ASIP: variants seen among roughly 807,000 people sequenced by gnomAD.
ASIP encodes agouti signaling protein.
ASIP carries 11 observed loss-of-function variants against 10.3 expected under a neutral mutation model. The observed-to-expected ratio is 1.07, with a 90% CI of 0.68 to 1.78. The LOEUF (loss-of-function observed/expected upper bound fraction) is 1.78, where lower values mean the gene tolerates loss of function less well. Among genes scored for constraint, ASIP ranks in the 40% most tolerant of loss-of-function variants. The probability of loss-of-function intolerance (pLI) is 0.00; values close to 1 mark genes in which losing one functional copy is unlikely to be tolerated. For missense variants in ASIP, 180 were observed against 169.2 expected (o/e 1.06, Z -0.35); for synonymous variants, 70 against 70.8 (o/e 0.99, Z 0.06).
chr20:34,210,437 C>T (rs921770260), intron 1 of ASIP, among the ~76,000 whole-genome samples: 3 of 152,218 alleles, frequency 2.0e-5, no homozygotes, highest in Admixed American at 6.5e-5. Flanking sequence ...TCAGCACCCA[C>T]GTCAGCACCT....
Position 34,269,165 on chromosome 20 carries a change from T to C in ASIP, c.397T>C (p.Ter133ArgextTer22). ...CSCRVLSLNC* is the reference protein window; with the variant it reads ...CSCRVLSLNCR ...CTGCCGCGTGCTCAGCCTCAACTGC[T>C]GAGCGCCCCCACTCCCGGCCGCGAG... The change falls in exon 4 of 4, where the codon TGA (stop) becomes CGA (arginine). Residue 133 changes from the stop codon to arginine (R), a stop_lost. Transcript: ENST00000374954. The C allele has an allele frequency of 6.6e-7, 1 of 1,525,260 alleles. No homozygotes were observed. The allele number at this position is 1,525,260 out of a possible 1,614,324, so 94.5% of individuals were successfully genotyped here.
chr20:34,252,244 C>G (rs1367180084), intron 1 of ASIP, among the ~76,000 whole-genome samples: 1 of 152,192 alleles, frequency 6.6e-6, no homozygotes, highest in Non-Finnish European at 1.5e-5. Flanking sequence ...GCTCAGTATA[C>G]AGAGGACCCG....
At chr20:34,213,513 G>T in intron 1 of ASIP, 1 of 1,479,556 alleles carries the variant, frequency 6.8e-7, no homozygotes, top group Non-Finnish European at 9.2e-7. Context: ...CAGCAGACTG[G>T]TCATTTTCTT....
chr20:34,198,193 G>A (rs139168644), intron 1 of ASIP, among the ~76,000 whole-genome samples: 2 of 151,542 alleles, frequency 1.3e-5, no homozygotes, highest in African/African-American at 4.8e-5. Flanking sequence ...AAATTCAAGC[G>A]ATTCTCATGC....
At chr20:34,247,943 T>C (rs2035408317) in intron 1 of ASIP, among the ~76,000 whole-genome samples, 1 of 152,178 alleles carries the variant, frequency 6.6e-6, no homozygotes, top group Admixed American at 6.5e-5. Context: ...CAGTGGCACA[T>C]GCGTGTAATC....
intron 1 of ASIP, among the ~76,000 whole-genome samples, chr20:34,252,254 G>A (rs533373993): frequency 3.8e-4 from 58 of 152,290 alleles, no homozygotes; most frequent in South Asian, 1.9e-3. Flanking sequence ...CAGAGGACCC[G>A]CACTGGTGCC....
chr20:34,236,443 T>C (rs768542809), upstream of ASIP, among the ~76,000 whole-genome samples: 2 of 151,094 alleles, frequency 1.3e-5, no homozygotes, highest in African/African-American at 2.4e-5. Flanking sequence ...ACTTGGGAGG[T>C]TGAGGCAGAA....
chr20:34,201,698 T>A (rs963607726), intron 1 of ASIP, among the ~76,000 whole-genome samples: 30 of 152,210 alleles, frequency 2.0e-4, no homozygotes, highest in African/African-American at 7.2e-4. Flanking sequence ...TTTTTTTTCT[T>A]CAAACTTGCA....
chr20:34,262,919 T>C, intron 3 of ASIP, 26 bp downstream of exon 3: 1 of 1,613,026 alleles, frequency 6.2e-7, no homozygotes, highest in Non-Finnish European at 8.5e-7. Context: ...TTCTGGGAGT[T>C]CTCATTGTTG....
chr20:34,254,636 G>A (rs1371985833), intron 1 of ASIP, among the ~76,000 whole-genome samples: 2 of 152,020 alleles, frequency 1.3e-5, no homozygotes, highest in Non-Finnish European at 2.9e-5. Flanking sequence ...ATGCCTTTTT[G>A]CTATAGAAGC....
chr20:34,192,813 T>C (rs1014899120), upstream of ASIP, among the ~76,000 whole-genome samples: 2 of 152,172 alleles, frequency 1.3e-5, no homozygotes, highest in Non-Finnish European at 2.9e-5. Flanking sequence ...TTTAAAACAT[T>C]TAAAAAAATT....
chr20:34,248,842 C>A (rs573229421), intron 1 of ASIP, among the ~76,000 whole-genome samples: 6 of 151,446 alleles, frequency 4.0e-5, no homozygotes, highest in Non-Finnish European at 8.8e-5. Context: ...TATGTTGTAG[C>A]CTCTCTGAAG....
chr20:34,242,163 T>C (rs74874006), intron 1 of ASIP, among the ~76,000 whole-genome samples: 2,484 of 152,142 alleles, frequency 0.016, 74 homozygotes, highest in African/African-American at 0.056. Context: ...GATGGCATAG[T>C]GAAGTCATTT....
At chr20:34,202,508 A>T (rs532013763) in intron 1 of ASIP, among the ~76,000 whole-genome samples, 8 of 152,138 alleles carry the variant, frequency 5.3e-5, no homozygotes, top group Non-Finnish European at 1.0e-4. Flanking sequence ...CCTGGAATTG[A>T]TTTTCAGGTA....
At chr20:34,249,264 T>C (rs1459025032) in intron 1 of ASIP, among the ~76,000 whole-genome samples, 1 of 152,148 alleles carries the variant, frequency 6.6e-6, no homozygotes, top group African/African-American at 2.4e-5. Flanking sequence ...GGTTTTTACA[T>C]GCTGGTTCAT....
chr20:34,239,557 G>A (rs147443015), upstream of ASIP, among the ~76,000 whole-genome samples: 23 of 152,326 alleles, frequency 1.5e-4, no homozygotes, highest in Admixed American at 3.9e-4. Flanking sequence ...TTTGTGGAAT[G>A]CTTCAGAGTT....
chr20:34,247,147 T>G (rs2035390321), intron 1 of ASIP, among the ~76,000 whole-genome samples: 1 of 151,972 alleles, frequency 6.6e-6, no homozygotes, highest in South Asian at 2.1e-4. Flanking sequence ...CATGAGCCAA[T>G]GTAGCCCGTT....
intron 1 of ASIP, among the ~76,000 whole-genome samples, chr20:34,206,969 T>G (rs2034941389): frequency 6.6e-6 from 1 of 152,146 alleles, no homozygotes; most frequent in Non-Finnish European, 1.5e-5. Context: ...AACATGGGAG[T>G]GCAGATATTT....
the ASIP span, among the ~76,000 whole-genome samples, chr20:34,188,388 G>A: frequency 6.6e-6 from 1 of 152,182 alleles, no homozygotes; most frequent in Non-Finnish European, 1.5e-5. Flanking sequence ...AGATGGACAA[G>A]CATAAGATTA....
Sources: gnomAD v4.1 joint callset for allele counts (sites outside exome capture counted in the v4.1 genomes callset) on GRCh38, gnomAD v4.1.1 for gene constraint, MANE v1.5 for transcripts, NCBI Gene and HGNC (gene_info 2026-07-23, HGNC 2026-07-21) for gene names.